DNM2: variants seen among roughly 807,000 people sequenced by gnomAD.
The protein encoded by DNM2 is dynamin-2.
DNM2 carries 15 observed loss-of-function variants against 99.0 expected under a neutral mutation model. That is an observed-to-expected ratio of 0.15 (90% CI 0.10 to 0.23). DNM2 has a LOEUF of 0.23. Ranked by LOEUF, DNM2 falls within the 10% of genes least tolerant of loss-of-function variation. DNM2 has a pLI of 1.00. For synonymous variants in DNM2, 525 were observed against 481.2 expected, an observed-to-expected ratio of 1.09 and a Z score of -1.19; for missense variants, 742 against 1,189.4, an observed-to-expected ratio of 0.62 and a Z score of 5.53.
chr19:10,785,118 C>T lies in DNM2; in HGVS notation c.850-1446C>T, dbSNP rs563177245. Reference sequence around the variant, plus strand: ...CAGGCGTGAGCCACTGTACCCATCCCGGCCTTCCCCTCAACCCCAGATGGA... The same window carrying T: ...CAGGCGTGAGCCACTGTACCCATCCTGGCCTTCCCCTCAACCCCAGATGGA... On this transcript the variant is annotated intron_variant, in intron 6 of 20. Coordinates refer to ENST00000389253, the MANE Select transcript of DNM2 (RefSeq NM_001005361.3). 4.0e-5 allele frequency among the ~76,000 whole-genome samples: 6 copies of T among 151,032 alleles called. No homozygotes were observed. In the South Asian group the frequency reaches 6.3e-4, roughly 16 times the overall value.
At position 10,790,878 on chromosome 19, in the gene DNM2, A is replaced by C. The variant is rs995335895; in HGVS notation, c.993-2842A>C. ...CCACTTGGGCTCAGGTGATCCTCCC[A>C]CCACAGCCTCCCGAGTAGCTGGGAA... is the stretch of plus-strand genomic sequence containing the variant. On this transcript the variant is annotated intron_variant, in intron 7 of 20. Coordinates refer to ENST00000389253, the MANE Select transcript of DNM2 (RefSeq NM_001005361.3). 4.6e-5 allele frequency among the ~76,000 whole-genome samples: 7 copies of C among 151,100 alleles called. No individual in the cohort carries two copies. The East Asian group carries it at 1.4e-3, about 30-fold the overall frequency.
chr19:10,756,741 C>A (rs2070400186), intron 1 of DNM2, among the ~76,000 whole-genome samples: 3 of 152,090 alleles, frequency 2.0e-5, no homozygotes, highest in Non-Finnish European at 4.4e-5. Flanking sequence ...CTCTGTCTTG[C>A]CTCCTCCCAC....
At chr19:10,778,062 G>A (rs946885202) in intron 5 of DNM2, among the ~76,000 whole-genome samples, 8 of 96,230 alleles carry the variant, frequency 8.3e-5, no homozygotes, top group African/African-American at 2.9e-4. Context: ...TTTATGAGAC[G>A]GAGTCTCTGT....
chr19:10,772,692 G>C lies in DNM2; in HGVS notation c.385+64G>C. ...TGGTCGTTCATGGACAGTGCTATGG[G>C]TGAGCCTGTGTACTTCCACTCATGG... On this transcript the variant is annotated intron_variant, in intron 3 of 20. Coordinates refer to ENST00000389253, the MANE Select transcript of DNM2 (RefSeq NM_001005361.3). The surrounding 1 kb of genome is among the most constrained non-coding windows in gnomAD (Gnocchi z 4.9). The C allele has an allele frequency of 6.2e-7, 1 of 1,606,848 alleles. No individual in the cohort carries two copies. The highest frequency in any genetic ancestry group is 8.5e-7 in the Non-Finnish European group (1 of 1,177,010).
At chr19:10,762,639 C>A (rs187839595) in intron 2 of DNM2, among the ~76,000 whole-genome samples, 177 of 152,330 alleles carry the variant, frequency 1.2e-3, no homozygotes, top group Middle Eastern at 3.4e-3. Context: ...CCCGGATGAA[C>A]GATGATGGGT....
chr19:10,725,573 CCA>C (rs2069088106), intron 1 of DNM2, among the ~76,000 whole-genome samples: 1 of 152,080 alleles, frequency 6.6e-6, no homozygotes, highest in Non-Finnish European at 1.5e-5. Flanking sequence ...CTTGGTTCTG[CCA>C]CACACCAAAA....
chr19:10,730,471 C>T (rs1047557321), intron 1 of DNM2, among the ~76,000 whole-genome samples: 2 of 148,286 alleles, frequency 1.3e-5, no homozygotes, highest in Non-Finnish European at 3.0e-5. Context: ...AGAGCGAGAC[C>T]CTGTCTCAAA....
At chr19:10,829,623 C>G (rs1234506893) in intron 19 of DNM2, among the ~76,000 whole-genome samples, 1 of 152,188 alleles carries the variant, frequency 6.6e-6, no homozygotes, top group Admixed American at 6.5e-5. Flanking sequence ...ATGGGAGGCT[C>G]TGGAGGGGCA....
At chr19:10,759,484 A>T (rs2070542517) in intron 1 of DNM2, 1 of 565,632 alleles carries the variant, frequency 1.8e-6, no homozygotes, top group African/African-American at 1.9e-5. Context: ...GCCCCCTGGG[A>T]GTACGGGGGG....
Position 10,811,455 on chromosome 19 carries a change from G to T in DNM2, c.1558-809G>T. 1 of 343,562 alleles carries T rather than the reference G, an allele frequency of 2.9e-6. No homozygotes were observed. The highest frequency in any genetic ancestry group is 2.2e-5 in the South Asian group (1 of 46,270). 21.3% of individuals were successfully genotyped at this position (343,562 alleles called of 1,614,324 possible). A position where few individuals can be genotyped will look rare whatever the true frequency, so the allele number is the denominator to read the frequency against. On this transcript the variant is annotated intron_variant, in intron 14 of 20. Coordinates refer to ENST00000389253, the MANE Select transcript of DNM2 (RefSeq NM_001005361.3). The surrounding 1 kb of genome is among the most constrained non-coding windows in gnomAD (Gnocchi z 5.4). Reference sequence around the variant, plus strand: ...ACTGGGGGATGCAGGCCAGCCCTTCGCAGCTGTCCATGGCCATGCTCAGCC... The same window carrying T: ...ACTGGGGGATGCAGGCCAGCCCTTCTCAGCTGTCCATGGCCATGCTCAGCC...
intron 1 of DNM2, among the ~76,000 whole-genome samples, chr19:10,721,839 T>G (rs1178055814): frequency 1.3e-5 from 2 of 152,222 alleles, no homozygotes; most frequent in Non-Finnish European, 2.9e-5. Flanking sequence ...GCGTAGCTTT[T>G]GTTTTTAATA....
intron 15 of DNM2, 91 bp from the exon 16 acceptor site, chr19:10,819,889 C>A: frequency 1.7e-6 from 2 of 1,177,170 alleles, no homozygotes; most frequent in Non-Finnish European, 1.3e-6. Flanking sequence ...GCCCCCGGGG[C>A]TGGTGGTGGC....
rs953247307 is a variant in DNM2 at position 10,764,849 on chromosome 19, C to T, written c.235+5038C>T. 4.6e-5 allele frequency among the ~76,000 whole-genome samples: 7 copies of T among 152,206 alleles called. No individual in the cohort carries two copies. The highest frequency in any genetic ancestry group is 7.3e-5 in the Non-Finnish European group (5 of 68,034). On this transcript the variant is annotated intron_variant, in intron 2 of 20. Transcript: ENST00000389253. The surrounding 1 kb of genome is among the most constrained non-coding windows in gnomAD (Gnocchi z 4.1). The stretch of plus-strand genomic sequence containing the variant: ...TGCTCACTGTGCTGCCTGCCTGGAA[C>T]GCCCTGTTCCCTACCTGCCACTGTC...
chr19:10,805,806 C>T lies in DNM2; in HGVS notation c.1494-110C>T, dbSNP rs1340060065. Reference sequence around the variant, plus strand: ...TGCAGGGGGCTTCTCTCTGCCTCTACCTGTGGCTGCTCACTTGGTCCCCAG... The same window carrying T: ...TGCAGGGGGCTTCTCTCTGCCTCTATCTGTGGCTGCTCACTTGGTCCCCAG... On this transcript the variant is annotated intron_variant, in intron 12 of 20. Transcript: ENST00000389253. 1.9e-5 allele frequency: 26 copies of T among 1,389,378 alleles called. No individual in the cohort carries two copies. The Admixed American group carries it at 4.4e-4, about 24-fold the overall frequency. 86.1% of individuals were successfully genotyped at this position (1,389,378 alleles called of 1,614,324 possible).
intron 5 of DNM2, among the ~76,000 whole-genome samples, chr19:10,778,703 A>G (rs1947339233): frequency 6.6e-6 from 1 of 152,036 alleles, no homozygotes; most frequent in Non-Finnish European, 1.5e-5. Context: ...TTTACACATA[A>G]ATACCCACAT....
Position 10,831,332 on chromosome 19 carries a change from C to A in DNM2, c.*285C>A, listed in dbSNP as rs1415623619. On this transcript the variant is annotated 3_prime_UTR_variant, in exon 21 of 21. Transcript: ENST00000389253. The surrounding 1 kb of genome is among the most constrained non-coding windows in gnomAD (Gnocchi z 4.3). ...GGGGGACCAGAACCCTTGACACCAT[C>A]CTGAATGAGGGGTCCAGCCTGGGGG... is the stretch of plus-strand genomic sequence containing the variant. 2.5e-6 allele frequency: 3 copies of A among 1,212,148 alleles called. No individual in the cohort carries two copies. The highest frequency in any genetic ancestry group is 1.6e-5 in the African/African-American group (1 of 63,100). The allele number at this position is 1,212,148 out of a possible 1,614,324, so 75.1% of individuals were successfully genotyped here.
At chr19:10,721,648 ATCC>A (rs1287322488) in intron 1 of DNM2, among the ~76,000 whole-genome samples, 2 of 152,060 alleles carry the variant, frequency 1.3e-5, no homozygotes, top group African/African-American at 4.8e-5. Flanking sequence ...GGCTCAAGCA[ATCC>A]TCCTGCCTCT....
At chr19:10,729,836 T>C (rs901731031) in intron 1 of DNM2, among the ~76,000 whole-genome samples, 2 of 151,910 alleles carry the variant, frequency 1.3e-5, no homozygotes, top group African/African-American at 4.8e-5. Context: ...CTGGTACCTA[T>C]AGAGAATACG....
Position 10,812,425 on chromosome 19 carries a change from G to A in DNM2, c.1671+48G>A, listed in dbSNP as rs745409394. The A allele has an allele frequency of 4.7e-6, 7 of 1,495,784 alleles. No individual in the cohort carries two copies. The highest frequency in any genetic ancestry group is 2.4e-5 in the South Asian group (2 of 84,930). 92.7% of individuals were successfully genotyped at this position (1,495,784 alleles called of 1,614,324 possible). A position where few individuals can be genotyped will look rare whatever the true frequency, so the allele number is the denominator to read the frequency against. On this transcript the variant is annotated intron_variant, in intron 15 of 20. Coordinates refer to ENST00000389253, the MANE Select transcript of DNM2 (RefSeq NM_001005361.3). The surrounding 1 kb of genome is among the most constrained non-coding windows in gnomAD (Gnocchi z 4.0). The stretch of plus-strand genomic sequence containing the variant: ...GCTGCTGGGGTAGGTGGGGCAGCCA[G>A]GGAAGAGCGGGTGGGCGCTCCCTCT...
Sources: allele counts gnomAD v4.1 joint callset (sites outside exome capture counted in the v4.1 genomes callset), GRCh38; gene constraint gnomAD v4.1.1; non-coding constraint Gnocchi (gnomAD v3.1); transcripts MANE v1.5; gene names NCBI Gene and HGNC (gene_info 2026-07-23, HGNC 2026-07-21).